CACNB3: variants seen among roughly 807,000 people sequenced by gnomAD.
The protein encoded by CACNB3 is voltage-dependent L-type calcium channel subunit beta-3.
A neutral mutation model predicts 63.7 loss-of-function variants in CACNB3; 36 were observed. The ratio of observed to expected loss-of-function variants is 0.57; its 90% confidence interval spans 0.43 to 0.75. CACNB3 has a LOEUF of 0.75. Among genes scored for constraint, CACNB3 ranks in the 30% least tolerant of loss-of-function variants. The pLI is 0.00. For synonymous variants in CACNB3, 241 were observed against 250.6 expected (o/e 0.96, Z 0.36); for missense variants, 493 against 648.6 (o/e 0.76, Z 2.61).
chr12:48,822,305 G>A (rs1937891371), intron 1 of CACNB3, among the ~76,000 whole-genome samples: 1 of 152,088 alleles, frequency 6.6e-6, no homozygotes, highest in African/African-American at 2.4e-5. Context: ...TAACCTCTGG[G>A]CTCTTGTCTC....
Position 48,818,726 on chromosome 12 carries a change from G to C in CACNB3, c.-204G>C, listed in dbSNP as rs1022820968. 21 of 1,288,006 alleles carry C rather than the reference G, an allele frequency of 1.6e-5. No individual in the cohort carries two copies. The highest frequency in any genetic ancestry group is 2.1e-5 in the Non-Finnish European group (21 of 1,019,084). The allele number at this position is 1,288,006 out of a possible 1,614,324, so 79.8% of individuals were successfully genotyped here. A position where few individuals can be genotyped will look rare whatever the true frequency, so the allele number is the denominator to read the frequency against. On this transcript the variant is annotated 5_prime_UTR_variant, in exon 1 of 13. Coordinates refer to ENST00000301050, the MANE Select transcript of CACNB3 (RefSeq NM_000725.4). The surrounding 1 kb of genome is among the most constrained non-coding windows in gnomAD (Gnocchi z 4.3). ...GGTGGGACCGGCTGGGTTTGGGGGGGTGGGGTGGGGGGAGCGGTGATCTGA... is the reference window on the plus strand; with the variant it reads ...GGTGGGACCGGCTGGGTTTGGGGGGCTGGGGTGGGGGGAGCGGTGATCTGA...
At position 48,818,669 on chromosome 12, in the gene CACNB3, G is replaced by C. The variant is rs1937656520; in HGVS notation, c.-261G>C. 10 of 1,215,196 alleles carry C rather than the reference G, an allele frequency of 8.2e-6. No individual in the cohort carries two copies. In the South Asian group the frequency reaches 2.2e-4, roughly 27 times the overall value. 75.3% of individuals were successfully genotyped at this position (1,215,196 alleles called of 1,614,324 possible). ...AGGTGGGCGGGCACTATTGTTGTAG[G>C]AGCCGGCGCCAGATTCCTCAGCCGC... On this transcript the variant is annotated 5_prime_UTR_variant, in exon 1 of 13. Transcript: ENST00000301050. This position sits in a 1 kb window ranked among gnomAD's most constrained non-coding sequence, Gnocchi z 4.3.
intron 1 of CACNB3, among the ~76,000 whole-genome samples, chr12:48,822,943 T>C (rs1419540608): frequency 6.6e-6 from 1 of 152,142 alleles, no homozygotes; most frequent in East Asian, 1.9e-4. Context: ...TCCAGGCTGC[T>C]TTGCAGGCTG....
chr12:48,824,713 G>T lies in CACNB3; in HGVS notation c.452G>T (p.Arg151Leu). Residue 151 changes from arginine (R) to leucine (L), a missense_variant, in exon 5 of 13, where the codon CGC becomes CTC. Coordinates refer to ENST00000301050, the MANE Select transcript of CACNB3 (RefSeq NM_000725.4). ...PSSLSDIGNR[R>L]SPPPSLAKQK... Reference sequence around the variant, plus strand: ...AGCCTGAGTGACATTGGCAACCGACGCTCCCCTCCGCCATCTCTAGGTAGC... The same window carrying T: ...AGCCTGAGTGACATTGGCAACCGACTCTCCCCTCCGCCATCTCTAGGTAGC... 1 of 1,613,512 alleles carries T rather than the reference G, an allele frequency of 6.2e-7. No homozygotes were observed. The highest frequency in any genetic ancestry group is 1.1e-5 in the South Asian group (1 of 91,030).
chr12:48,814,673 C>G, upstream of CACNB3: 3 of 1,077,462 alleles, frequency 2.8e-6, no homozygotes, highest in Non-Finnish European at 3.9e-6. This position sits in a 1 kb window ranked among gnomAD's most constrained non-coding sequence, Gnocchi z 6.9. Context: ...GACTGCAGTT[C>G]CTGGAGAAAG....
upstream of CACNB3, chr12:48,815,219 C>G (rs540471912): frequency 1.1e-3 from 209 of 183,170 alleles, no homozygotes; most frequent in African/African-American, 4.2e-3. Context: ...GCCAAGAGCT[C>G]AGGAGCTGGG....
chr12:48,817,602 C>T (rs1199188628), upstream of CACNB3, among the ~76,000 whole-genome samples: 1 of 152,188 alleles, frequency 6.6e-6, no homozygotes, highest in Non-Finnish European at 1.5e-5. Context: ...GGGAAAGTTT[C>T]CTCAAGATAA....
chr12:48,824,145 T>C (rs958823152), intron 3 of CACNB3, 113 bp from the exon 4 acceptor site: 3 of 904,026 alleles, frequency 3.3e-6, no homozygotes, highest in African/African-American at 1.7e-5. Context: ...GCCCCTTGCA[T>C]TGCATTCCTC....
In CACNB3 at chr12:48,825,075, C is replaced by T. The variant is rs1938056066; in HGVS notation, c.493-88C>T. ...GGCAGAACAGAGAGGGGAGGGAGCC[C>T]AGAACCTCTGGATCTGCCCTGACGC... On this transcript the variant is annotated intron_variant, in intron 6 of 12. Transcript: ENST00000301050. The surrounding 1 kb of genome is among the most constrained non-coding windows in gnomAD (Gnocchi z 4.5). 2.5e-6 allele frequency: 4 copies of T among 1,587,354 alleles called. No individual in the cohort carries two copies. The highest frequency in any genetic ancestry group is 2.6e-6 in the Non-Finnish European group (3 of 1,156,116).
Position 48,826,564 on chromosome 12 carries a change from T to C in CACNB3, c.894+46T>C, listed in dbSNP as rs192499234. The C allele has an allele frequency of 6.2e-7, 1 of 1,608,974 alleles. No homozygotes were observed. Among genetic ancestry groups the C allele is most frequent in the East Asian group, 2.2e-5 (1 of 44,772 alleles). ...GAGGAGGCCCACAGGGCTATCCTAC[T>C]AGAATGTGGCATGATTCTACTTGGT... is the stretch of plus-strand genomic sequence containing the variant. On this transcript the variant is annotated intron_variant, in intron 10 of 12. Transcript: ENST00000301050. The surrounding 1 kb of genome is among the most constrained non-coding windows in gnomAD (Gnocchi z 4.8).
chr12:48,823,649 C>T lies in CACNB3; in HGVS notation c.169-32C>T. The T allele has an allele frequency of 6.2e-7, 1 of 1,614,006 alleles. No homozygotes were observed. Among genetic ancestry groups the T allele is most frequent in the Non-Finnish European group, 8.5e-7 (1 of 1,179,964 alleles). ...AGCTGGAAGGGGTGCTTCGAGCCTTCTCTCACTTGCACTAATGGGCAAATT... is the reference window on the plus strand; with the variant it reads ...AGCTGGAAGGGGTGCTTCGAGCCTTTTCTCACTTGCACTAATGGGCAAATT... On this transcript the variant is annotated intron_variant, in intron 2 of 12. Transcript: ENST00000301050. This position sits in a 1 kb window ranked among gnomAD's most constrained non-coding sequence, Gnocchi z 4.2.
upstream of CACNB3, chr12:48,815,598 C>A (rs943445174): frequency 2.0e-6 from 3 of 1,497,700 alleles, no homozygotes; most frequent in Non-Finnish European, 1.8e-6. Flanking sequence ...GGCGTGCAGG[C>A]GGGAGCAGCG....
At chr12:48,827,513 G>C in intron 12 of CACNB3, 72 bp from the exon 13 acceptor site, 2 of 1,368,224 alleles carry the variant, frequency 1.5e-6, no homozygotes, top group Non-Finnish European at 2.0e-6. Context: ...GAGGGGGGAA[G>C]AATCTCGCAC....
Position 48,827,881 on chromosome 12 carries a change from G to A in CACNB3, c.1437G>A (p.Trp479Ter). 6.2e-7 allele frequency: 1 copy of A among 1,613,678 alleles called. No individual in the cohort carries two copies. The highest frequency in any genetic ancestry group is 2.2e-5 in the East Asian group (1 of 44,876). ...GGAACTGGCAGCGCAACCGGCCTTG[G>A]CCCAAGGATAGCTACTGACAGCCTC... is the stretch of plus-strand genomic sequence containing the variant. The part of the protein sequence containing the change: ...SDRNWQRNRP[W>*]PKDSY Residue 479 changes from tryptophan to a stop codon, truncating the protein, a stop_gained, in exon 13 of 13, where the codon TGG becomes TGA. Coordinates refer to ENST00000301050, the MANE Select transcript of CACNB3 (RefSeq NM_000725.4). LOFTEE classifies it high-confidence loss of function.
upstream of CACNB3, chr12:48,815,862 A>G: frequency 1.4e-6 from 1 of 712,324 alleles, no homozygotes; most frequent in Non-Finnish European, 2.5e-6. Context: ...AAACCGGAGG[A>G]AGTGAGGCCA....
rs1183068845 is a variant in CACNB3, at chr12:48,818,896, C to T, written c.-34C>T. ...CCTGCCTCCGGGCCGCTCCCGCCCCCGGCGCCGCTCGCTCCCCCGACCCGG... is the reference window on the plus strand; with the variant it reads ...CCTGCCTCCGGGCCGCTCCCGCCCCTGGCGCCGCTCGCTCCCCCGACCCGG... On this transcript the variant is annotated 5_prime_UTR_variant, in exon 1 of 13. Coordinates refer to ENST00000301050, the MANE Select transcript of CACNB3 (RefSeq NM_000725.4). The surrounding 1 kb of genome is among the most constrained non-coding windows in gnomAD (Gnocchi z 4.3). 14 of 1,549,780 alleles carry T rather than the reference C, an allele frequency of 9.0e-6. No individual in the cohort carries two copies. In the East Asian group the frequency reaches 2.5e-4, roughly 28 times the overall value.
In CACNB3 at chr12:48,827,935, G is replaced by GC. The variant is rs749847247; in HGVS notation, c.*37dup. On this transcript the variant is annotated 3_prime_UTR_variant, in exon 13 of 13. Coordinates refer to ENST00000301050, the MANE Select transcript of CACNB3 (RefSeq NM_000725.4). ...CTGCCCTACCCTGGCAGGCACAGGC[G>GC]CAGCTGGCTGGGGGGCCCACTCCAG... The GC allele has an allele frequency of 3.2e-6, 5 of 1,572,206 alleles. No homozygotes were observed. Among genetic ancestry groups the GC allele is most frequent in the Non-Finnish European group, 4.3e-6 (5 of 1,149,930 alleles).
At chr12:48,815,744 GTGTGGGGT>G, upstream of CACNB3, 2 of 1,341,712 alleles carry the variant, frequency 1.5e-6, no homozygotes, top group Non-Finnish European at 2.1e-6. Context: ...CGTGGGGGGG[GTGTGGGGT>G]CGTGGGAAGG....
In CACNB3 at chr12:48,828,703, G is replaced by T. The variant is rs1341190261; in HGVS notation, c.*804G>T. On this transcript the variant is annotated 3_prime_UTR_variant, in exon 13 of 13. Transcript: ENST00000301050. ...CTTGCCTTTCTCATTCTTTTGCCCT[G>T]CATCCTGTCATTTCTGTTCTTGTCC... 1 of 456,526 alleles carries T rather than the reference G, an allele frequency of 2.2e-6. No homozygotes were observed. Among genetic ancestry groups the T allele is most frequent in the Non-Finnish European group, 4.4e-6 (1 of 226,794 alleles). The allele number at this position is 456,526 out of a possible 1,614,324, so 28.3% of individuals were successfully genotyped here. A position where few individuals can be genotyped will look rare whatever the true frequency, so the allele number is the denominator to read the frequency against.
Sources: allele counts gnomAD v4.1 joint callset (sites outside exome capture counted in the v4.1 genomes callset), GRCh38; gene constraint gnomAD v4.1.1; non-coding constraint Gnocchi (gnomAD v3.1); transcripts MANE v1.5; gene names NCBI Gene and HGNC (gene_info 2026-07-23, HGNC 2026-07-21).